The following CLEC4F variants were observed in gnomAD, a reference collection of about 807,000 sequenced individuals.
CLEC4F encodes C-type (calcium dependent, carbohydrate-recognition domain) lectin, superfamily member 13.
CLEC4F carries 45 observed loss-of-function variants against 53.4 expected under a neutral mutation model. The ratio of observed to expected loss-of-function variants is 0.84; its 90% CI spans 0.66 to 1.08. The LOEUF (loss-of-function observed/expected upper bound fraction) is 1.08. CLEC4F is among the 50% of genes least tolerant of loss of function. CLEC4F has a pLI of 0.00. For missense variants in CLEC4F, 753 were observed against 698.2 expected, an observed-to-expected ratio of 1.08 and a Z score of -0.88; for synonymous variants, 245 against 257.5, an observed-to-expected ratio of 0.95 and a Z score of 0.46.
chr2:70,823,446 A>T (rs1402798588), upstream of CLEC4F, among the ~76,000 whole-genome samples: 1 of 152,142 alleles, frequency 6.6e-6, no homozygotes, highest in African/African-American at 2.4e-5. Context: ...CCCCATACAC[A>T]GGAAGGGCCC....
chr2:70,810,761 A>C (rs531413002), intron 5 of CLEC4F: 360 of 471,304 alleles, frequency 7.6e-4, no homozygotes, highest in Non-Finnish European at 1.3e-3. Context: ...AATTAATGTT[A>C]ATTATGTGAT....
chr2:70,816,789 G>A lies in CLEC4F; in HGVS notation c.592C>T (p.Leu198=). Residue 198 remains leucine, a synonymous_variant, in exon 4 of 7, where the codon CTG becomes TTG. Coordinates refer to ENST00000272367, the MANE Select transcript of CLEC4F (RefSeq NM_173535.3). ...TCTAAACTGCTTTTTAAGAAATTCAGCGTCTGGAAAGTTAAAGCATCTGCC... is the reference window on the plus strand; with the variant it reads ...TCTAAACTGCTTTTTAAGAAATTCAACGTCTGGAAAGTTAAAGCATCTGCC... The part of the protein sequence containing the change: ...EKADALTFQT[L]NFLKSSLENT... 4.3e-6 allele frequency: 7 copies of A among 1,614,136 alleles called. No individual in the cohort carries two copies. Among genetic ancestry groups the A allele is most frequent in the Non-Finnish European group, 5.9e-6 (7 of 1,180,036 alleles).
chr2:70,822,686 A>G (rs1449706724), upstream of CLEC4F, among the ~76,000 whole-genome samples: 1 of 152,232 alleles, frequency 6.6e-6, no homozygotes, highest in Non-Finnish European at 1.5e-5. Context: ...AACGGTCACA[A>G]TCTTTTTGAA....
intron 5 of CLEC4F, chr2:70,811,254 T>C (rs1371537264): frequency 3.1e-6 from 3 of 963,660 alleles, no homozygotes; most frequent in Admixed American, 3.6e-5. Context: ...ACAATTGTCT[T>C]AAATGTCATA....
Position 70,816,107 on chromosome 2 carries a change from C to G in CLEC4F, c.1274G>C (p.Arg425Thr). Residue 425 changes from arginine to threonine, a missense_variant, in exon 4 of 7, where the codon AGA becomes ACA. Physicochemically the swap from Arg to Thr is moderately conservative, Grantham distance 71 (BLOSUM62 -1). Coordinates refer to ENST00000272367, the MANE Select transcript of CLEC4F (RefSeq NM_173535.3). The stretch of plus-strand genomic sequence containing the variant: ...AGCTTTGGTGTTCTCTAGATCCCCT[C>G]TTAACCTCTGGATCTCGGCACTGGC... ...QKASAEIQRL[R>T]GDLENTKALT... The G allele has an allele frequency of 1.2e-6, 2 of 1,614,208 alleles. No homozygotes were observed. The highest frequency in any genetic ancestry group is 1.7e-6 in the Non-Finnish European group (2 of 1,180,036).
At position 70,816,635 on chromosome 2, in the gene CLEC4F, T is replaced by C. The variant is rs375785739; in HGVS notation, c.746A>G (p.Asn249Ser). The change falls in exon 4 of 7, where the codon AAC (asparagine) becomes AGC (serine). Residue 249 changes from asparagine to serine, a missense_variant. Coordinates refer to ENST00000272367, the MANE Select transcript of CLEC4F (RefSeq NM_173535.3). ...QAQLANSSLKNANAEIYVLRG... is the reference protein window; with the variant it reads ...QAQLANSSLKSANAEIYVLRG... ...CAAAACATAGATCTCAGCATTAGCG[T>C]TCTTTAAACTGCTATTGGCTAACTG... is the stretch of plus-strand genomic sequence containing the variant. The C allele has an allele frequency of 6.1e-5, 98 of 1,614,072 alleles. No individual in the cohort carries two copies. Among genetic ancestry groups the C allele is most frequent in the Non-Finnish European group, 8.1e-5 (96 of 1,180,042 alleles).
chr2:70,817,114 T>C lies in CLEC4F; in HGVS notation c.269-2A>G. On this transcript the variant is annotated splice_acceptor_variant, in intron 3 of 6. Coordinates refer to ENST00000272367, the MANE Select transcript of CLEC4F (RefSeq NM_173535.3). LOFTEE classifies it high-confidence loss of function. ...CCTCCCTGCCAAAGTGGTGATGATC[T>C]GGAGGGAGGAAGTGAAGAAGGCAGC... 6.2e-7 allele frequency: 1 copy of C among 1,603,268 alleles called. No homozygotes were observed. The highest frequency in any genetic ancestry group is 8.5e-7 in the Non-Finnish European group (1 of 1,177,942).
chr2:70,820,651 C>G, upstream of CLEC4F: 2 of 870,006 alleles, frequency 2.3e-6, no homozygotes, highest in South Asian at 3.7e-5. Flanking sequence ...ACCCTCCCAG[C>G]TCTTCCTCCC....
upstream of CLEC4F, among the ~76,000 whole-genome samples, chr2:70,823,792 G>T (rs1278816868): frequency 6.6e-6 from 1 of 152,132 alleles, no homozygotes; most frequent in African/African-American, 2.4e-5. Flanking sequence ...ACTTTGTGAG[G>T]CCGAGGCAGG....
intron 4 of CLEC4F, among the ~76,000 whole-genome samples, chr2:70,814,765 A>G (rs1476865883): frequency 6.6e-6 from 1 of 151,876 alleles, no homozygotes; most frequent in Non-Finnish European, 1.5e-5. Flanking sequence ...AATTAAGCTA[A>G]TAGTTCTCAG....
At chr2:70,819,183 T>C (rs1447620104) in intron 3 of CLEC4F, among the ~76,000 whole-genome samples, 172 bp downstream of exon 3, 1 of 152,150 alleles carries the variant, frequency 6.6e-6, no homozygotes, top group Non-Finnish European at 1.5e-5. Context: ...GCTTTAAATA[T>C]ATACACCATT....
At chr2:70,817,285 C>T (rs533329684) in intron 3 of CLEC4F, among the ~76,000 whole-genome samples, 173 bp from the exon 4 acceptor site, 1 of 152,300 alleles carries the variant, frequency 6.6e-6, no homozygotes, top group East Asian at 1.9e-4. Flanking sequence ...GGGGACGGTC[C>T]ACCTGAGAAT....
chr2:70,821,733 G>A (rs570578951), upstream of CLEC4F, among the ~76,000 whole-genome samples: 6 of 152,014 alleles, frequency 3.9e-5, no homozygotes, highest in Admixed American at 3.3e-4. Flanking sequence ...CTAATTTTTT[G>A]TTTGAGACAG....
upstream of CLEC4F, among the ~76,000 whole-genome samples, chr2:70,824,545 T>A (rs1186373305): frequency 7.2e-6 from 1 of 138,528 alleles, no homozygotes; most frequent in Non-Finnish European, 1.5e-5. Context: ...TGGCTGACTC[T>A]AGAACTGGGG....
intron 4 of CLEC4F, among the ~76,000 whole-genome samples, chr2:70,813,597 C>CTCTTTCTTTCTCTTTCTTTCTT (rs1676711387): frequency 9.4e-6 from 1 of 106,224 alleles, no homozygotes; most frequent in African/African-American, 3.8e-5. Flanking sequence ...CTCTTTCTTT[C>CTCTTTCTTTCTCTTTCTTTCTT]TCTTTCTTTC....
chr2:70,818,853 C>T (rs1400945511), intron 3 of CLEC4F, among the ~76,000 whole-genome samples: 1 of 151,138 alleles, frequency 6.6e-6, no homozygotes, highest in East Asian at 1.9e-4. Context: ...ATAAATTAGA[C>T]TATCAAAATT....
At chr2:70,813,610 T>TCTTTCTTTCTTTCTTTCTTTCTTTCTTC (rs1676719260) in intron 4 of CLEC4F, among the ~76,000 whole-genome samples, 1 of 140,156 alleles carries the variant, frequency 7.1e-6, no homozygotes, top group African/African-American at 2.9e-5. Context: ...TTTCTTTCTT[T>TCTTTCTTTCTTTCTTTCTTTCTTTCTTC]CTTTCTTTCT....
chr2:70,812,607 A>C lies in CLEC4F; in HGVS notation c.1388-9T>G, dbSNP rs931204281. 1.9e-6 allele frequency: 3 copies of C among 1,613,460 alleles called. No homozygotes were observed. Among genetic ancestry groups the C allele is most frequent in the Non-Finnish European group, 2.5e-6 (3 of 1,179,858 alleles). ...CATCTGGAGAAGCTGACCTGGAGCAAAGATTGGGGAGAAAAGAGAACCAGG... is the reference window on the plus strand; with the variant it reads ...CATCTGGAGAAGCTGACCTGGAGCACAGATTGGGGAGAAAAGAGAACCAGG... On this transcript the variant is annotated splice_polypyrimidine_tract_variant and intron_variant, in intron 4 of 6. Coordinates refer to ENST00000272367, the MANE Select transcript of CLEC4F (RefSeq NM_173535.3).
chr2:70,823,661 GA>G (rs1677281591), upstream of CLEC4F, among the ~76,000 whole-genome samples: 1 of 152,116 alleles, frequency 6.6e-6, no homozygotes, highest in Non-Finnish European at 1.5e-5. Context: ...CAGCAGGGCA[GA>G]AAAACCAGGG....
Sources: allele counts gnomAD v4.1 joint callset (sites outside exome capture counted in the v4.1 genomes callset), GRCh38; gene constraint gnomAD v4.1.1; transcripts MANE v1.5; gene names NCBI Gene and HGNC (gene_info 2026-07-23, HGNC 2026-07-21).